Variants in DPP6 observed in about 807,000 individuals in gnomAD.
DPP6 encodes A-type potassium channel modulatory protein DPP6.
A neutral mutation model predicts 122.6 loss-of-function variants in DPP6; 69 were observed. That is an observed-to-expected ratio of 0.56 (90% CI 0.46 to 0.69). The LOEUF (loss-of-function observed/expected upper bound fraction) is 0.69. Ranked by LOEUF, DPP6 falls within the 30% of genes least tolerant of loss-of-function variation. The pLI, the probability that DPP6 is intolerant of heterozygous loss-of-function variation, is 0.00. For synonymous variants in DPP6, 418 were observed against 433.1 expected (o/e 0.97, Z 0.43); for missense variants, 928 against 1,116.9 (o/e 0.83, Z 2.41).
At chr7:153,767,884 G>C in the DPP6 span, among the ~76,000 whole-genome samples, 1 of 152,286 alleles carries the variant, frequency 6.6e-6, no homozygotes, top group East Asian at 1.9e-4. Flanking sequence ...TGGAACGGAT[G>C]TGTCCCCGTG....
At chr7:153,822,181 C>T in the DPP6 span, among the ~76,000 whole-genome samples, 53 of 61,864 alleles carry the variant, frequency 8.6e-4, no homozygotes, top group East Asian at 9.7e-4. Flanking sequence ...GGGGGGGAAT[C>T]TTTTTTTTTT....
At chr7:153,791,564 G>T in the DPP6 span, among the ~76,000 whole-genome samples, 1 of 151,776 alleles carries the variant, frequency 6.6e-6, no homozygotes, top group African/African-American at 2.4e-5. Flanking sequence ...TAGGATTACA[G>T]GTGCCCACCA....
At chr7:154,641,624 C>G (rs1836097363) in intron 6 of DPP6, among the ~76,000 whole-genome samples, 1 of 152,016 alleles carries the variant, frequency 6.6e-6, no homozygotes, top group South Asian at 2.1e-4. Flanking sequence ...ACCTAGCTTT[C>G]TATCTATCTA....
intron 1 of DPP6, among the ~76,000 whole-genome samples, chr7:153,926,829 T>C (rs1167129538): frequency 6.6e-6 from 1 of 151,458 alleles, no homozygotes; most frequent in African/African-American, 2.4e-5. Context: ...AAAAAAATAC[T>C]ACTTGTTACC....
chr7:154,551,573 CT>C (rs2130379066), intron 4 of DPP6, among the ~76,000 whole-genome samples: 1 of 152,240 alleles, frequency 6.6e-6, no homozygotes, highest in East Asian at 1.9e-4. Context: ...TCTGGCAAAG[CT>C]TACAATAAAT....
At chr7:154,394,803 G>A (rs1814942514) in intron 1 of DPP6, among the ~76,000 whole-genome samples, 1 of 152,084 alleles carries the variant, frequency 6.6e-6, no homozygotes, top group Non-Finnish European at 1.5e-5. Context: ...TTATTCTTTT[G>A]TATGCCAATA....
At chr7:154,450,138 C>G (rs1820236245) in intron 2 of DPP6, among the ~76,000 whole-genome samples, 3 of 152,036 alleles carry the variant, frequency 2.0e-5, no homozygotes, top group African/African-American at 7.2e-5. Flanking sequence ...TGAATTAACC[C>G]TGGAAACTTC....
At chr7:153,761,793 C>A in the DPP6 span, among the ~76,000 whole-genome samples, 2 of 152,214 alleles carry the variant, frequency 1.3e-5, no homozygotes, top group African/African-American at 2.4e-5. Context: ...TTCTATACTT[C>A]ATAAGCATTG....
chr7:154,482,608 A>C (rs898683030), intron 3 of DPP6, among the ~76,000 whole-genome samples: 1 of 152,232 alleles, frequency 6.6e-6, no homozygotes, highest in Admixed American at 6.5e-5. Flanking sequence ...AAGTGTATTA[A>C]GTAGGAAAAT....
intron 1 of DPP6, among the ~76,000 whole-genome samples, chr7:154,185,630 T>C (rs1231865522): frequency 6.6e-6 from 1 of 152,182 alleles, no homozygotes; most frequent in East Asian, 1.9e-4. Flanking sequence ...GAAATCACTT[T>C]AGTAGATGAA....
intron 1 of DPP6, among the ~76,000 whole-genome samples, chr7:154,425,830 A>G (rs975197993): frequency 6.6e-6 from 1 of 151,792 alleles, no homozygotes; most frequent in African/African-American, 2.4e-5. Flanking sequence ...TTTTGTAGAG[A>G]TGGGGTCTCT....
chr7:154,886,563 C>T (rs775216690), intron 22 of DPP6, among the ~76,000 whole-genome samples: 3 of 152,220 alleles, frequency 2.0e-5, no homozygotes, highest in Admixed American at 6.5e-5. Context: ...TCTGTGGCTC[C>T]GAGAACTTGA....
chr7:154,407,738 C>T (rs1201887662), intron 1 of DPP6, among the ~76,000 whole-genome samples: 1 of 152,102 alleles, frequency 6.6e-6, no homozygotes, highest in East Asian at 1.9e-4. Flanking sequence ...GTTTATGCCC[C>T]TTTGAGGAGC....
At chr7:153,846,763 A>G in the DPP6 span, among the ~76,000 whole-genome samples, 2 of 128,810 alleles carry the variant, frequency 1.6e-5, no homozygotes, top group East Asian at 4.6e-4. Context: ...CGCAATCTCC[A>G]CTTACTGCAA....
the DPP6 span, among the ~76,000 whole-genome samples, chr7:153,777,124 T>C: frequency 1.3e-5 from 2 of 152,196 alleles, no homozygotes; most frequent in African/African-American, 2.4e-5. Context: ...AACAAACACA[T>C]GCAAAGATTC....
At chr7:153,789,479 T>TA in the DPP6 span, among the ~76,000 whole-genome samples, 1 of 152,198 alleles carries the variant, frequency 6.6e-6, no homozygotes, top group African/African-American at 2.4e-5. Flanking sequence ...CAGATGTTTT[T>TA]ATCTACCTAT....
intron 1 of DPP6, among the ~76,000 whole-genome samples, chr7:154,254,773 A>G (rs779510334): frequency 2.0e-5 from 3 of 152,162 alleles, no homozygotes; most frequent in Non-Finnish European, 4.4e-5. Flanking sequence ...ACGAGCTTCA[A>G]TGAGAGAAGG....
rs551628667 is a variant in DPP6, at chr7:154,228,478, A to G, written c.243+175415A>G. On this transcript the variant is annotated intron_variant, in intron 1 of 25. Coordinates refer to ENST00000377770, the MANE Select transcript of DPP6 (RefSeq NM_130797.4). ...ATAGGTCATTATTTTATCTTGATATATAAATGTCAAAGATACCGCTTGGGT... is the reference window on the plus strand; with the variant it reads ...ATAGGTCATTATTTTATCTTGATATGTAAATGTCAAAGATACCGCTTGGGT... Among the ~76,000 whole-genome samples, 16 of 152,342 alleles carry G rather than the reference A, an allele frequency of 1.1e-4. No homozygotes were observed. The East Asian group carries it at 2.5e-3, about 24-fold the overall frequency.
At chr7:154,264,221 GT>G (rs1369426164) in intron 1 of DPP6, among the ~76,000 whole-genome samples, 2 of 152,112 alleles carry the variant, frequency 1.3e-5, no homozygotes, top group Non-Finnish European at 2.9e-5. Flanking sequence ...CTCATTATGT[GT>G]AATGCATTTA....
Sources: allele counts gnomAD v4.1 joint callset (sites outside exome capture counted in the v4.1 genomes callset), GRCh38; gene constraint gnomAD v4.1.1; transcripts MANE v1.5; gene names NCBI Gene and HGNC (gene_info 2026-07-23, HGNC 2026-07-21).